RFPL1: variants seen among roughly 807,000 people sequenced by gnomAD.
RFPL1 encodes the protein ret finger protein-like 1.
In RFPL1, 6 loss-of-function variants were observed where a neutral mutation model predicts 9.6. That is an observed-to-expected ratio of 0.62 (90% CI 0.34 to 1.23). The LOEUF is 1.23. Ranked by LOEUF, RFPL1 falls within the 50% of genes most tolerant of loss-of-function variation. The pLI, the probability that RFPL1 is intolerant of heterozygous loss-of-function variation, is 0.03. For synonymous variants in RFPL1, 145 were observed against 149.4 expected, an observed-to-expected ratio of 0.97 and a Z score of 0.22; for missense variants, 352 against 398.4, an observed-to-expected ratio of 0.88 and a Z score of 0.99.
the RFPL1 span, among the ~76,000 whole-genome samples, chr22:29,393,747 A>C: frequency 1.3e-5 from 2 of 152,102 alleles, no homozygotes; most frequent in Non-Finnish European, 2.9e-5. Context: ...CCTGACAATA[A>C]TACTACCTCC....
the RFPL1 span, among the ~76,000 whole-genome samples, chr22:29,401,038 G>A: frequency 4.6e-5 from 7 of 152,106 alleles, no homozygotes; most frequent in African/African-American, 9.7e-5. Context: ...TTCATGCCAC[G>A]TACATTTCCC....
the RFPL1 span, among the ~76,000 whole-genome samples, chr22:29,392,860 G>A: frequency 6.6e-6 from 1 of 152,188 alleles, no homozygotes; most frequent in African/African-American, 2.4e-5. Flanking sequence ...AATAGCATGT[G>A]AGTGACAAGG....
At chr22:29,423,275 A>G in the RFPL1 span, 3 of 1,119,322 alleles carry the variant, frequency 2.7e-6, no homozygotes, top group African/African-American at 3.0e-5. Context: ...AGAAGGATCC[A>G]GAACACATGT....
the RFPL1 span, among the ~76,000 whole-genome samples, chr22:29,427,277 T>C: frequency 6.6e-6 from 1 of 152,178 alleles, no homozygotes; most frequent in African/African-American, 2.4e-5. Flanking sequence ...CTGGGATGAA[T>C]GTGTCTCTGA....
At chr22:29,430,222 T>C in the RFPL1 span, among the ~76,000 whole-genome samples, 16 of 152,050 alleles carry the variant, frequency 1.1e-4, no homozygotes, top group African/African-American at 3.9e-4. Context: ...AGTGGGGTGG[T>C]CTCAGTATGA....
the RFPL1 span, among the ~76,000 whole-genome samples, chr22:29,428,356 A>T: frequency 5.9e-5 from 9 of 152,254 alleles, no homozygotes; most frequent in Non-Finnish European, 1.3e-4. Context: ...GGAGCACCAG[A>T]TATAGAAAGT....
At chr22:29,425,298 A>G in the RFPL1 span, among the ~76,000 whole-genome samples, 1 of 151,528 alleles carries the variant, frequency 6.6e-6, no homozygotes, top group Non-Finnish European at 1.5e-5. Context: ...CTTTTTTTGC[A>G]TCTGTGGAAG....
At chr22:29,395,343 G>A in the RFPL1 span, among the ~76,000 whole-genome samples, 28 of 152,228 alleles carry the variant, frequency 1.8e-4, no homozygotes, top group Middle Eastern at 3.4e-3. Context: ...AGTTGCCACA[G>A]AGCCTTTCTA....
At chr22:29,397,703 G>C in the RFPL1 span, among the ~76,000 whole-genome samples, 1 of 152,160 alleles carries the variant, frequency 6.6e-6, no homozygotes, top group Non-Finnish European at 1.5e-5. Flanking sequence ...TCTCCTATTG[G>C]GATAGGGTTA....
the RFPL1 span, among the ~76,000 whole-genome samples, chr22:29,410,297 GAT>G: frequency 1.1e-4 from 11 of 98,210 alleles, no homozygotes; most frequent in Non-Finnish European, 2.0e-4. Context: ...TATATATGTA[GAT>G]ATATATCTAT....
the RFPL1 span, among the ~76,000 whole-genome samples, chr22:29,392,822 T>C: frequency 6.6e-6 from 1 of 152,180 alleles, no homozygotes; most frequent in South Asian, 2.1e-4. Flanking sequence ...CATTTCATCT[T>C]GGGGGGAACT....
At chr22:29,433,429 C>T in the RFPL1 span, 1 of 152,338 alleles carries the variant, frequency 6.6e-6, no homozygotes, top group South Asian at 2.1e-4. Context: ...GCCATCTGCT[C>T]TGTGGTCACT....
At position 29,442,124 on chromosome 22, in the gene RFPL1, C is replaced by A. The variant is rs770872088; in HGVS notation, c.*2C>A. Reference sequence around the variant, plus strand: ...GTCCATCCTGGGGAGGCCAAATAAGCCCCCACTGCAAAAAAACAAAAAACA... The same window carrying A: ...GTCCATCCTGGGGAGGCCAAATAAGACCCCACTGCAAAAAAACAAAAAACA... On this transcript the variant is annotated 3_prime_UTR_variant, in exon 2 of 2. Coordinates refer to ENST00000354373, the Ensembl canonical transcript of RFPL1. 4.0e-6 allele frequency: 6 copies of A among 1,518,498 alleles called. No individual in the cohort carries two copies. The Admixed American group carries it at 6.7e-5, about 17-fold the overall frequency. 94.1% of individuals were successfully genotyped at this position (1,518,498 alleles called of 1,614,324 possible).
At chr22:29,390,036 G>C in the RFPL1 span, among the ~76,000 whole-genome samples, 3 of 152,178 alleles carry the variant, frequency 2.0e-5, no homozygotes, top group Non-Finnish European at 4.4e-5. Flanking sequence ...CTGACCTCAA[G>C]TGATCTGCCC....
chr22:29,439,461 G>C, intron 1 of RFPL1: 1 of 360,946 alleles, frequency 2.8e-6, no homozygotes, highest in East Asian at 5.2e-5. Flanking sequence ...GTGAAACCCT[G>C]TCTCTACTAA....
At chr22:29,416,301 CA>C in the RFPL1 span, among the ~76,000 whole-genome samples, 1 of 148,244 alleles carries the variant, frequency 6.7e-6, no homozygotes, top group Non-Finnish European at 1.5e-5. Flanking sequence ...CCCTGCTGAG[CA>C]AATGCCCACC....
the RFPL1 span, among the ~76,000 whole-genome samples, chr22:29,418,349 G>A: frequency 6.6e-6 from 1 of 152,170 alleles, no homozygotes; most frequent in Non-Finnish European, 1.5e-5. Flanking sequence ...GGGTGCGATA[G>A]AGGCTGCACA....
At chr22:29,422,012 G>A in the RFPL1 span, among the ~76,000 whole-genome samples, 5 of 152,164 alleles carry the variant, frequency 3.3e-5, no homozygotes, top group South Asian at 6.2e-4. Context: ...TCATCTGGTC[G>A]GCAGGCATGT....
At chr22:29,419,457 G>A in the RFPL1 span, among the ~76,000 whole-genome samples, 7 of 151,996 alleles carry the variant, frequency 4.6e-5, no homozygotes, top group Non-Finnish European at 1.0e-4. Context: ...TTAACAAGAT[G>A]GAAACTTGTA....
Sources: allele counts gnomAD v4.1 joint callset (sites outside exome capture counted in the v4.1 genomes callset), GRCh38; gene constraint gnomAD v4.1.1; transcripts MANE v1.5; gene names NCBI Gene and HGNC (gene_info 2026-07-23, HGNC 2026-07-21).